Variants in EXOC3L4 observed in about 807,000 individuals in gnomAD.
EXOC3L4 encodes the protein exocyst complex component 3-like protein 4.
Under a neutral mutation model 69.7 loss-of-function variants are expected in EXOC3L4, and 62 were observed. The ratio of observed to expected loss-of-function variants is 0.89; its 90% CI spans 0.72 to 1.10. EXOC3L4 has a LOEUF of 1.10. EXOC3L4 is among the 50% of genes least tolerant of loss of function. The probability of loss-of-function intolerance (pLI) is 0.00; values close to 1 mark genes in which losing one functional copy is unlikely to be tolerated. For synonymous variants in EXOC3L4, 502 were observed against 464.2 expected, an observed-to-expected ratio of 1.08 and a Z score of -1.05; for missense variants, 1,087 against 1,034.8, an observed-to-expected ratio of 1.05 and a Z score of -0.69.
intron 1 of EXOC3L4, among the ~76,000 whole-genome samples, chr14:103,095,962 T>C (rs1047293222): frequency 6.6e-6 from 1 of 152,180 alleles, no homozygotes; most frequent in African/African-American, 2.4e-5. Context: ...CAGCCAAATG[T>C]TGAGGAGTAA....
Position 103,097,190 on chromosome 14 carries a change from G to A in EXOC3L4, c.-17+2350G>A, listed in dbSNP as rs1012776662. 1.3e-5 allele frequency among the ~76,000 whole-genome samples: 2 copies of A among 152,128 alleles called. No individual in the cohort carries two copies. Among genetic ancestry groups the A allele is most frequent in the Admixed American group, 1.3e-4 (2 of 15,274 alleles). On this transcript the variant is annotated intron_variant, in intron 1 of 11. Coordinates refer to ENST00000688303, the MANE Select transcript of EXOC3L4 (RefSeq NM_001077594.2). This position sits in a 1 kb window ranked among gnomAD's most constrained non-coding sequence, Gnocchi z 4.9. ...TCGGACACAGCTAGGGTGGCCCAGG[G>A]TGGGAGCTCTCAGTGACTGTGTCTC... is the stretch of plus-strand genomic sequence containing the variant.
In EXOC3L4 at chr14:103,103,955, G is replaced by A; in HGVS notation, c.1064G>A (p.Gly355Asp). 1.9e-6 allele frequency: 3 copies of A among 1,544,384 alleles called. No homozygotes were observed. The East Asian group carries it at 7.3e-5, about 37-fold the overall frequency. The change falls in exon 4 of 12, where the codon GGC becomes GAC. Residue 355 changes from glycine (G) to aspartate (D), a missense_variant. Coordinates refer to ENST00000688303, the MANE Select transcript of EXOC3L4 (RefSeq NM_001077594.2). ...CTGTCTTCCAGTCCTGACTTCCTGG[G>A]CGCCCCGGGGCTGGCGCTGCCCGCC... ...ANVYGSPDFL[G>D]APGLALPAEP...
chr14:103,096,684 C>T (rs1889902967), intron 1 of EXOC3L4, among the ~76,000 whole-genome samples: 1 of 152,236 alleles, frequency 6.6e-6, no homozygotes, highest in Non-Finnish European at 1.5e-5. Flanking sequence ...ACCTTCCCAG[C>T]TAGGCTTAGG....
chr14:103,110,002 C>T (rs1161775275), intron 11 of EXOC3L4, 29 bp from the exon 12 acceptor site: 1 of 1,562,284 alleles, frequency 6.4e-7, no homozygotes, highest in East Asian at 2.3e-5. Context: ...AGGTGTAGGT[C>T]TGCAGTGAGT....
At chr14:103,104,926 AGGGTGGACCCAG>A in intron 6 of EXOC3L4, 54 bp from the exon 7 acceptor site, 1 of 1,574,420 alleles carries the variant, frequency 6.4e-7, no homozygotes, top group Non-Finnish European at 8.7e-7. Context: ...CCTGATTGGG[AGGGTGGACCCAG>A]GGTCATCGCG....
chr14:103,106,764 C>T (rs750070046), intron 7 of EXOC3L4, 21 bp from the exon 8 acceptor site: 1 of 1,508,182 alleles, frequency 6.6e-7, no homozygotes, highest in South Asian at 1.2e-5. Context: ...CACCTCATCG[C>T]TGGTCCTGGC....
rs745400638 is a variant in EXOC3L4 at position 103,104,036 on chromosome 14, A to G, written c.1145A>G (p.Tyr382Cys). The G allele has an allele frequency of 3.2e-6, 5 of 1,575,532 alleles. No individual in the cohort carries two copies. Among genetic ancestry groups the G allele is most frequent in the Non-Finnish European group, 4.3e-6 (5 of 1,165,192 alleles). ...GTGTGGGCCCGACTGGAGAGCGACT[A>G]CACCAGCTTCCTGGAGGTCAGGCCG... is the stretch of plus-strand genomic sequence containing the variant. ...PDVWARLESD[Y>C]TSFLEAKIAS... The change falls in exon 4 of 12, where the codon TAC becomes TGC. Residue 382 changes from tyrosine (Y) to cysteine (C), a missense_variant. Coordinates refer to ENST00000688303, the MANE Select transcript of EXOC3L4 (RefSeq NM_001077594.2).
rs1341506977 is a variant in EXOC3L4 at position 103,104,337 on chromosome 14, C to A, written c.1232C>A (p.Pro411His). ...EQSHWAAAEV[P>H]EVLQGLYQAP... ...AGTCACTGGGCGGCCGCCGAGGTCCCCGAGGTGCTGCAGGGCCTCTACCAG... is the reference window on the plus strand; with the variant it reads ...AGTCACTGGGCGGCCGCCGAGGTCCACGAGGTGCTGCAGGGCCTCTACCAG... The change falls in exon 5 of 12, where the codon CCC becomes CAC. Residue 411 changes from proline to histidine, a missense_variant. Coordinates refer to ENST00000688303, the MANE Select transcript of EXOC3L4 (RefSeq NM_001077594.2). 3 of 1,591,900 alleles carry A rather than the reference C, an allele frequency of 1.9e-6. No homozygotes were observed. Among genetic ancestry groups the A allele is most frequent in the African/African-American group, 2.7e-5 (2 of 73,978 alleles).
Position 103,108,370 on chromosome 14 carries a change from G to A in EXOC3L4, c.1855-26G>A, listed in dbSNP as rs373552730. ...AGCAGCGGTGGGGAGAGGGCTGTTG[G>A]GGCAGGCGGTGGCTCTGTCTCGCAG... On this transcript the variant is annotated intron_variant, in intron 10 of 11. Transcript: ENST00000688303. The A allele has an allele frequency of 8.7e-6, 14 of 1,609,820 alleles. No individual in the cohort carries two copies. In the African/African-American group the frequency reaches 1.9e-4, roughly 22 times the overall value.
In EXOC3L4 at chr14:103,097,047, G is replaced by A. The variant is rs140099297; in HGVS notation, c.-17+2207G>A. 6.7e-6 allele frequency among the ~76,000 whole-genome samples: 1 copy of A among 149,938 alleles called. No individual in the cohort carries two copies. The highest frequency in any genetic ancestry group is 1.5e-5 in the Non-Finnish European group (1 of 67,478). ...GTTGGGGAGGCTGGGGAGTGGGTGA[G>A]CACTGCAGAGTGATTGGGAGGATGA... is the stretch of plus-strand genomic sequence containing the variant. On this transcript the variant is annotated intron_variant, in intron 1 of 11. Transcript: ENST00000688303. The surrounding 1 kb of genome is among the most constrained non-coding windows in gnomAD (Gnocchi z 4.9).
chr14:103,105,043 C>T lies in EXOC3L4; in HGVS notation c.1437C>T (p.Gly479=). Reference sequence around the variant, plus strand: ...AGGCGGTGAGCGAGCCGCACCTGGGCGCCTACATCAACGCCTGCGAGGAGC... The same window carrying T: ...AGGCGGTGAGCGAGCCGCACCTGGGTGCCTACATCAACGCCTGCGAGGAGC... ...ASEAVSEPHL[G]AYINACEELR... is the part of the protein sequence containing the mutation. The change falls in exon 7 of 12, where the codon GGC becomes GGT. Residue 479 remains glycine (G), a synonymous_variant. Transcript: ENST00000688303. 6.2e-7 allele frequency: 1 copy of T among 1,612,078 alleles called. No homozygotes were observed. Among genetic ancestry groups the T allele is most frequent in the Non-Finnish European group, 8.5e-7 (1 of 1,178,490 alleles).
Position 103,110,090 on chromosome 14 carries a change from A to G in EXOC3L4, c.2036A>G (p.His679Arg), listed in dbSNP as rs367579528. 445 of 1,597,634 alleles carry G rather than the reference A, an allele frequency of 2.8e-4. No homozygotes were observed. The highest frequency in any genetic ancestry group is 3.4e-4 in the Non-Finnish European group (404 of 1,172,908). ...LRRLGRQRNQ[H>R]LLQHTQDLLR... Reference sequence around the variant, plus strand: ...CGACTGGGCCGCCAGCGGAACCAGCATCTCTTGCAGCACACTCAAGACCTG... The same window carrying G: ...CGACTGGGCCGCCAGCGGAACCAGCGTCTCTTGCAGCACACTCAAGACCTG... The change falls in exon 12 of 12, where the codon CAT becomes CGT. Residue 679 changes from histidine to arginine, a missense_variant. Physicochemically the swap from His to Arg is conservative, Grantham distance 29. Transcript: ENST00000688303.
intron 7 of EXOC3L4, among the ~76,000 whole-genome samples, chr14:103,105,378 G>C (rs1289586044): frequency 6.6e-6 from 1 of 151,844 alleles, no homozygotes; most frequent in Non-Finnish European, 1.5e-5. Flanking sequence ...GTGTGTGTGT[G>C]TGTGTTGGAG....
intron 11 of EXOC3L4, among the ~76,000 whole-genome samples, 174 bp from the exon 12 acceptor site, chr14:103,109,857 C>A (rs1352628375): frequency 4.6e-5 from 7 of 151,298 alleles, no homozygotes; most frequent in Admixed American, 3.9e-4. Flanking sequence ...AGGCCCACGC[C>A]CTGCCCCCTC....
intron 1 of EXOC3L4, among the ~76,000 whole-genome samples, chr14:103,096,575 T>G (rs1889897431): frequency 6.6e-6 from 1 of 152,220 alleles, no homozygotes. Flanking sequence ...GTTTACCTCC[T>G]GTTTTTGCCT....
intron 8 of EXOC3L4, among the ~76,000 whole-genome samples, chr14:103,107,170 C>T (rs1235929754): frequency 3.3e-5 from 5 of 152,204 alleles, no homozygotes; most frequent in Non-Finnish European, 5.9e-5. Context: ...AGGGTCCTCA[C>T]CCAGTCCCTC....
chr14:103,102,255 C>T lies in EXOC3L4; in HGVS notation c.532C>T (p.Arg178Cys). 1 of 1,586,948 alleles carries T rather than the reference C, an allele frequency of 6.3e-7. No homozygotes were observed. The highest frequency in any genetic ancestry group is 8.6e-7 in the Non-Finnish European group (1 of 1,168,674). ...FEQDPTAFARRAMDVCLLYDG... is the reference protein window; with the variant it reads ...FEQDPTAFARCAMDVCLLYDG... ...GCAGGACCCTACGGCCTTCGCGCGG[C>T]GCGCTATGGACGTGTGCCTGCTTTA... The change falls in exon 3 of 12, where the codon CGC (arginine) becomes TGC (cysteine). Residue 178 changes from arginine to cysteine, a missense_variant. Coordinates refer to ENST00000688303, the MANE Select transcript of EXOC3L4 (RefSeq NM_001077594.2).
Position 103,105,004 on chromosome 14 carries a change from T to G in EXOC3L4, c.1398T>G (p.Ala466=). 1.9e-6 allele frequency: 3 copies of G among 1,612,580 alleles called. No individual in the cohort carries two copies. The highest frequency in any genetic ancestry group is 2.5e-6 in the Non-Finnish European group (3 of 1,178,868). ...TATCCCGCCCCAGGTTTGAAAAGGC[T>G]TTTCTGGCGTCGGAGGCGGTGAGCG... ...LGLFVPRFEK[A]FLASEAVSEP... The change falls in exon 7 of 12, where the codon GCT becomes GCG. Residue 466 remains alanine (A), a synonymous_variant. Coordinates refer to ENST00000688303, the MANE Select transcript of EXOC3L4 (RefSeq NM_001077594.2).
At position 103,101,998 on chromosome 14, in the gene EXOC3L4, G is replaced by C. The variant is rs978583941; in HGVS notation, c.395-120G>C. 3 of 1,064,014 alleles carry C rather than the reference G, an allele frequency of 2.8e-6. No individual in the cohort carries two copies. The African/African-American group carries it at 4.8e-5, about 17-fold the overall frequency. 65.9% of individuals were successfully genotyped at this position (1,064,014 alleles called of 1,614,324 possible). ...TGGAGCAGGCCTTCAGCTGTGCTGGGGCATCTGGCAGAGGACAGACAATCC... is the reference window on the plus strand; with the variant it reads ...TGGAGCAGGCCTTCAGCTGTGCTGGCGCATCTGGCAGAGGACAGACAATCC... On this transcript the variant is annotated intron_variant, in intron 2 of 11. Transcript: ENST00000688303.
Sources: gnomAD v4.1 joint callset for allele counts (sites outside exome capture counted in the v4.1 genomes callset) on GRCh38, gnomAD v4.1.1 for gene constraint, Gnocchi (gnomAD v3.1) non-coding constraint, MANE v1.5 for transcripts, NCBI Gene and HGNC (gene_info 2026-07-23, HGNC 2026-07-21) for gene names.